Variants in KCNJ6 observed in about 807,000 individuals in gnomAD.
The protein encoded by KCNJ6 is potassium inwardly rectifying channel subfamily J member 6.
In KCNJ6, 9 loss-of-function variants were observed where a neutral mutation model predicts 34.2. The ratio of observed to expected loss-of-function variants is 0.26; its 90% CI spans 0.16 to 0.46. The LOEUF (loss-of-function observed/expected upper bound fraction) is 0.46. Among genes scored for constraint, KCNJ6 ranks in the 20% least tolerant of loss-of-function variants. KCNJ6 has a pLI of 1.00. For missense variants in KCNJ6, 236 were observed against 531.3 expected (o/e 0.44, Z 5.46); for synonymous variants, 196 against 207.1 (o/e 0.95, Z 0.46).
At chr21:37,635,240 A>G (rs1338674718) in intron 3 of KCNJ6, among the ~76,000 whole-genome samples, 1 of 151,872 alleles carries the variant, frequency 6.6e-6, no homozygotes, top group African/African-American at 2.4e-5. Flanking sequence ...TTATTTTGAG[A>G]TGGAGTCTTA....
intron 2 of KCNJ6, among the ~76,000 whole-genome samples, chr21:37,751,509 T>G (rs967039645): frequency 1.3e-5 from 2 of 152,204 alleles, no homozygotes; most frequent in African/African-American, 4.8e-5. Flanking sequence ...AAGTGCAAGG[T>G]TCAACATTCC....
chr21:37,862,606 A>G (rs760482767), intron 1 of KCNJ6, among the ~76,000 whole-genome samples: 16 of 152,206 alleles, frequency 1.1e-4, no homozygotes, highest in East Asian at 5.8e-4. Flanking sequence ...GTAAATTTGT[A>G]TTTTGCAACA....
chr21:37,813,868 A>G (rs2123545541), intron 2 of KCNJ6, among the ~76,000 whole-genome samples: 1 of 152,346 alleles, frequency 6.6e-6, no homozygotes, highest in East Asian at 1.9e-4. Flanking sequence ...GTAATACCCT[A>G]CAAGCATGGG....
intron 1 of KCNJ6, among the ~76,000 whole-genome samples, chr21:37,890,328 T>C (rs978422848): frequency 3.3e-5 from 5 of 152,162 alleles, no homozygotes; most frequent in Admixed American, 1.3e-4. Context: ...ACTGCCCCCA[T>C]GATTCAATTA....
At chr21:37,709,517 A>AG in intron 3 of KCNJ6, among the ~76,000 whole-genome samples, 2 of 83,494 alleles carry the variant, frequency 2.4e-5, no homozygotes, top group African/African-American at 9.7e-5. Context: ...CCTGTCTCAA[A>AG]AAAAAGAAAA....
chr21:37,634,761 AT>A (rs66535658), intron 3 of KCNJ6, among the ~76,000 whole-genome samples: 98,333 of 143,036 alleles, frequency 0.69, 33,369 homozygotes, highest in East Asian at 0.81. Flanking sequence ...CATACAAATC[AT>A]TTTTTTTTTT....
At chr21:37,893,887 C>G (rs999441842) in intron 1 of KCNJ6, among the ~76,000 whole-genome samples, 2 of 152,158 alleles carry the variant, frequency 1.3e-5, no homozygotes, top group Non-Finnish European at 2.9e-5. Flanking sequence ...ACAGATAACC[C>G]AGAGCAATGT....
At chr21:37,878,164 T>C (rs961074154) in intron 1 of KCNJ6, among the ~76,000 whole-genome samples, 9 of 152,116 alleles carry the variant, frequency 5.9e-5, no homozygotes, top group Admixed American at 2.6e-4. Flanking sequence ...CACAGTAAAA[T>C]GCTAGTTTCA....
chr21:37,727,191 G>A (rs935733457), intron 2 of KCNJ6, among the ~76,000 whole-genome samples: 1 of 152,156 alleles, frequency 6.6e-6, no homozygotes, highest in Admixed American at 6.5e-5. Flanking sequence ...CTGACACCTC[G>A]ACTTTGGACT....
At chr21:37,915,690 G>A (rs2055890059) in intron 1 of KCNJ6, among the ~76,000 whole-genome samples, 194 bp downstream of exon 1, 1 of 152,246 alleles carries the variant, frequency 6.6e-6, no homozygotes, top group African/African-American at 2.4e-5. Flanking sequence ...GTATGAAACA[G>A]ATTCCCCTTC....
At chr21:37,797,710 A>G (rs2055250315) in intron 2 of KCNJ6, among the ~76,000 whole-genome samples, 1 of 152,124 alleles carries the variant, frequency 6.6e-6, no homozygotes, top group Admixed American at 6.5e-5. Flanking sequence ...TCCAGTCCTA[A>G]GGGAAGGTCA....
At chr21:37,659,444 G>C (rs185348745) in intron 3 of KCNJ6, among the ~76,000 whole-genome samples, 8 of 152,324 alleles carry the variant, frequency 5.3e-5, no homozygotes, top group Non-Finnish European at 1.0e-4. Flanking sequence ...GCAACCCCAA[G>C]TGCTTCAGAT....
intron 3 of KCNJ6, among the ~76,000 whole-genome samples, chr21:37,702,708 G>T (rs543978947): frequency 2.6e-5 from 4 of 152,342 alleles, no homozygotes; most frequent in African/African-American, 9.6e-5. Flanking sequence ...GAGAAGGAAA[G>T]TAGGGGACAG....
At chr21:37,650,351 C>T (rs1186527853) in intron 3 of KCNJ6, among the ~76,000 whole-genome samples, 1 of 152,130 alleles carries the variant, frequency 6.6e-6, no homozygotes, top group Admixed American at 6.6e-5. Context: ...TGACAAGCTC[C>T]ATTACTTTCC....
chr21:37,789,567 A>G (rs80350256), intron 2 of KCNJ6, among the ~76,000 whole-genome samples: 1,643 of 152,248 alleles, frequency 0.011, 31 homozygotes, highest in African/African-American at 0.038. Context: ...TGTCATGGAA[A>G]CCTGAGCAGA....
chr21:37,846,969 C>T (rs1196475723), intron 1 of KCNJ6, among the ~76,000 whole-genome samples: 2 of 152,094 alleles, frequency 1.3e-5, no homozygotes, highest in African/African-American at 2.4e-5. Context: ...CTCAGATAGC[C>T]AAGCAAGTGA....
At chr21:37,642,936 A>G (rs1019754421) in intron 3 of KCNJ6, among the ~76,000 whole-genome samples, 2 of 152,182 alleles carry the variant, frequency 1.3e-5, no homozygotes, top group African/African-American at 4.8e-5. Context: ...GGGAAAGCTT[A>G]TGTGATATTA....
chr21:37,703,155 G>A (rs572836907), intron 3 of KCNJ6, among the ~76,000 whole-genome samples: 19 of 152,308 alleles, frequency 1.2e-4, no homozygotes, highest in African/African-American at 4.6e-4. Context: ...GGATATTAGG[G>A]AATGTTTTGA....
chr21:37,735,720 C>T (rs2054909285), intron 2 of KCNJ6, among the ~76,000 whole-genome samples: 1 of 152,176 alleles, frequency 6.6e-6, no homozygotes, highest in Non-Finnish European at 1.5e-5. Flanking sequence ...GCAGAGGACA[C>T]AGGGACACCT....
Sources: gnomAD v4.1 joint callset for allele counts (sites outside exome capture counted in the v4.1 genomes callset) on GRCh38, gnomAD v4.1.1 for gene constraint, MANE v1.5 for transcripts, NCBI Gene and HGNC (gene_info 2026-07-23, HGNC 2026-07-21) for gene names.